ESR1: variants seen among roughly 807,000 people sequenced by gnomAD.
The protein encoded by ESR1 is estrogen receptor.
Under a neutral mutation model 52.7 loss-of-function variants are expected in ESR1, and 12 were observed. The observed-to-expected ratio is 0.23, with a 90% confidence interval of 0.15 to 0.37. ESR1 has a LOEUF of 0.37. Among genes scored for constraint, ESR1 ranks in the 10% least tolerant of loss-of-function variants. The pLI is 1.00. For missense variants in ESR1, 584 were observed against 779.7 expected, an observed-to-expected ratio of 0.75 and a Z score of 2.99; for synonymous variants, 305 against 316.8, an observed-to-expected ratio of 0.96 and a Z score of 0.39.
chr6:152,048,768 C>T (rs905363339), intron 5 of ESR1, among the ~76,000 whole-genome samples: 14 of 152,128 alleles, frequency 9.2e-5, no homozygotes, highest in Admixed American at 7.9e-4. Flanking sequence ...AACTGAGTTA[C>T]GGAGAAGATG....
chr6:151,904,409 G>A (rs1229576745), intron 3 of ESR1, among the ~76,000 whole-genome samples: 2 of 152,128 alleles, frequency 1.3e-5, no homozygotes, highest in Non-Finnish European at 2.9e-5. Context: ...GAAGTTCTCA[G>A]TGTAACATCT....
At chr6:152,020,085 G>C (rs986301791) in intron 5 of ESR1, among the ~76,000 whole-genome samples, 1 of 152,136 alleles carries the variant, frequency 6.6e-6, no homozygotes, top group African/African-American at 2.4e-5. Context: ...CTCATCATTC[G>C]CATCTAGTGT....
rs75857146 is a variant in ESR1, at chr6:151,839,526, G to T, written c.453-3071G>T. ...AAGAATTAAAAATCTGGGTCTTGAA[G>T]AAATATTTGTATACTCATAGTTATA... On this transcript the variant is annotated intron_variant, in intron 1 of 7. Coordinates refer to ENST00000206249, the MANE Select transcript of ESR1 (RefSeq NM_000125.4). 9.8e-3 allele frequency among the ~76,000 whole-genome samples: 1,492 copies of T among 152,228 alleles called. 22 individuals are homozygous for T. The highest frequency in any genetic ancestry group is 0.034 in the African/African-American group (1,426 of 41,544).
At chr6:151,762,445 T>C (rs78974243) in intron 2 of ESR1, among the ~76,000 whole-genome samples, 1 of 152,312 alleles carries the variant, frequency 6.6e-6, no homozygotes, top group Non-Finnish European at 1.5e-5. Context: ...TTTCTATGCA[T>C]CCCAGGGGGT....
Position 152,101,519 on chromosome 6 carries a change from A to G in ESR1, c.*2553A>G. On this transcript the variant is annotated 3_prime_UTR_variant, in exon 8 of 8. Coordinates refer to ENST00000206249, the MANE Select transcript of ESR1 (RefSeq NM_000125.4). Reference sequence around the variant, plus strand: ...ACATTTGAAGTGGGCAGAGAACATCAGATGATTGAAATGTTCGCCCAGGGG... The same window carrying G: ...ACATTTGAAGTGGGCAGAGAACATCGGATGATTGAAATGTTCGCCCAGGGG... 1 of 232,164 alleles carries G rather than the reference A, an allele frequency of 4.3e-6. No individual in the cohort carries two copies. The highest frequency in any genetic ancestry group is 8.5e-6 in the Non-Finnish European group (1 of 117,418). 14.4% of individuals were successfully genotyped at this position (232,164 alleles called of 1,614,324 possible).
downstream of ESR1, among the ~76,000 whole-genome samples, chr6:152,106,084 C>T (rs1175285092): frequency 5.3e-5 from 8 of 152,070 alleles, no homozygotes; most frequent in African/African-American, 7.2e-5. Flanking sequence ...TGAGCCACCG[C>T]GCCCGGCCTC....
intron 1 of ESR1, among the ~76,000 whole-genome samples, chr6:151,834,740 G>T (rs1783021198): frequency 6.6e-6 from 1 of 152,058 alleles, no homozygotes; most frequent in Non-Finnish European, 1.5e-5. Flanking sequence ...TAAGAGGATG[G>T]AAAGTAATAG....
chr6:151,818,753 T>G (rs894792646), intron 1 of ESR1, among the ~76,000 whole-genome samples: 1 of 152,034 alleles, frequency 6.6e-6, no homozygotes, highest in African/African-American at 2.4e-5. Flanking sequence ...TTTCAAACTC[T>G]AATTAATCAT....
intron 6 of ESR1, among the ~76,000 whole-genome samples, chr6:152,078,511 T>A (rs996636235): frequency 1.3e-5 from 2 of 152,208 alleles, no homozygotes; most frequent in African/African-American, 4.8e-5. Context: ...GCTTCCAAGA[T>A]GGCTGAATAG....
intron 1 of ESR1, among the ~76,000 whole-genome samples, chr6:151,698,323 G>A (rs180908437): frequency 4.0e-5 from 6 of 150,568 alleles, no homozygotes; most frequent in East Asian, 3.9e-4. Flanking sequence ...CTGACATAGC[G>A]CCACTGCACA....
intron 6 of ESR1, among the ~76,000 whole-genome samples, chr6:152,119,832 G>A (rs1449203411): frequency 4.6e-5 from 7 of 152,228 alleles, no homozygotes; most frequent in Admixed American, 1.3e-4. Context: ...CATCATCTGC[G>A]TCTGGCGTGG....
chr6:151,882,114 G>A (rs1347574739), intron 3 of ESR1, among the ~76,000 whole-genome samples: 1 of 152,100 alleles, frequency 6.6e-6, no homozygotes, highest in Non-Finnish European at 1.5e-5. Context: ...ATAGTGGGCA[G>A]CTAACCTTTA....
chr6:151,789,129 A>G (rs1008733881), intron 2 of ESR1, among the ~76,000 whole-genome samples: 1 of 152,188 alleles, frequency 6.6e-6, no homozygotes, highest in Non-Finnish European at 1.5e-5. Context: ...AAACCCCAAA[A>G]GGTGAAGTGT....
intron 2 of ESR1, among the ~76,000 whole-genome samples, chr6:151,844,225 A>G (rs1479678702): frequency 6.6e-6 from 1 of 152,074 alleles, no homozygotes; most frequent in African/African-American, 2.4e-5. Flanking sequence ...TTAATTCAGA[A>G]AAAAATGACA....
chr6:152,096,572 G>A, intron 7 of ESR1: 1 of 450,502 alleles, frequency 2.2e-6, no homozygotes, highest in Admixed American at 2.4e-5. Flanking sequence ...ATGAATGGAT[G>A]AACAAATGGC....
At chr6:151,988,726 A>C (rs2040742819) in intron 4 of ESR1, among the ~76,000 whole-genome samples, 1 of 152,146 alleles carries the variant, frequency 6.6e-6, no homozygotes, top group African/African-American at 2.4e-5. Context: ...CCAGAGCTTA[A>C]AATAAATGTT....
intron 6 of ESR1, among the ~76,000 whole-genome samples, chr6:152,075,549 A>C (rs73618924): frequency 0.022 from 3,297 of 152,312 alleles, 107 homozygotes; most frequent in African/African-American, 0.076. Context: ...CTCATCTCTC[A>C]AAGAGAGGAA....
At position 151,820,171 on chromosome 6, in the gene ESR1, T is replaced by G. The variant is rs116894127; in HGVS notation, c.452+11807T>G. Among the ~76,000 whole-genome samples the G allele has an allele frequency of 3.8e-3, 578 of 152,270 alleles. 1 individual carries two copies. Among genetic ancestry groups the G allele is most frequent in the Admixed American group, 7.0e-3 (107 of 15,300 alleles). ...GAGCAAGTGACCCTTTCAACTGAATTTTTTAAGAATGAGGATTTAGCCAGA... is the reference window on the plus strand; with the variant it reads ...GAGCAAGTGACCCTTTCAACTGAATGTTTTAAGAATGAGGATTTAGCCAGA... On this transcript the variant is annotated intron_variant, in intron 1 of 7. Coordinates refer to ENST00000206249, the MANE Select transcript of ESR1 (RefSeq NM_000125.4).
chr6:151,948,971 T>C (rs1164505752), intron 4 of ESR1, among the ~76,000 whole-genome samples: 1 of 152,168 alleles, frequency 6.6e-6, no homozygotes, highest in Non-Finnish European at 1.5e-5. Context: ...TGAAAGGTGA[T>C]TTTTGAAAGT....
Sources: gnomAD v4.1 joint callset for allele counts (sites outside exome capture counted in the v4.1 genomes callset) on GRCh38, gnomAD v4.1.1 for gene constraint, MANE v1.5 for transcripts, NCBI Gene and HGNC (gene_info 2026-07-23, HGNC 2026-07-21) for gene names.